VWC2L: variants seen among roughly 807,000 people sequenced by gnomAD.
VWC2L encodes the protein von Willebrand factor C domain-containing protein 2-like.
VWC2L carries 10 observed loss-of-function variants against 21.6 expected under a neutral mutation model. That is an observed-to-expected ratio of 0.46 (90% CI 0.29 to 0.78). The LOEUF (loss-of-function observed/expected upper bound fraction) is 0.78, where lower values mean the gene tolerates loss of function less well. Ranked by LOEUF, VWC2L falls within the 30% of genes least tolerant of loss-of-function variation. VWC2L has a pLI of 0.10. For missense variants in VWC2L, 209 were observed against 277.1 expected (o/e 0.75, Z 1.74); for synonymous variants, 96 against 94.3 (o/e 1.02, Z -0.10).
chr2:214,521,901 T>C (rs1689246668), intron 3 of VWC2L, among the ~76,000 whole-genome samples: 1 of 152,236 alleles, frequency 6.6e-6, no homozygotes, highest in South Asian at 2.1e-4. Context: ...CTTTTGTCCT[T>C]CCTGCATTAA....
At chr2:214,538,368 C>T (rs1227775022) in intron 3 of VWC2L, among the ~76,000 whole-genome samples, 2 of 151,992 alleles carry the variant, frequency 1.3e-5, no homozygotes, top group Non-Finnish European at 2.9e-5. Flanking sequence ...GGATGCTTGG[C>T]CTATGTTATG....
chr2:214,438,541 C>T (rs1041972444), intron 3 of VWC2L, among the ~76,000 whole-genome samples: 1 of 152,006 alleles, frequency 6.6e-6, no homozygotes, highest in African/African-American at 2.4e-5. Flanking sequence ...TAGACACATC[C>T]AGCATATTCA....
At chr2:214,563,623 A>G (rs910148027) in intron 3 of VWC2L, among the ~76,000 whole-genome samples, 3 of 150,424 alleles carry the variant, frequency 2.0e-5, no homozygotes, top group Non-Finnish European at 4.4e-5. Context: ...TGAGTTCTCT[A>G]ATCTGTTCCA....
intron 3 of VWC2L, among the ~76,000 whole-genome samples, chr2:214,464,868 C>T (rs1310544864): frequency 6.6e-6 from 1 of 152,126 alleles, no homozygotes. Context: ...GTCCTTTCCA[C>T]TTTTCCCTCT....
intron 3 of VWC2L, among the ~76,000 whole-genome samples, chr2:214,504,867 G>A (rs1228470132): frequency 6.6e-6 from 1 of 152,214 alleles, no homozygotes; most frequent in African/African-American, 2.4e-5. Context: ...GTTCCAGGAT[G>A]AAAGAGGATA....
At chr2:214,446,376 A>T (rs897612797) in intron 3 of VWC2L, among the ~76,000 whole-genome samples, 12 of 152,208 alleles carry the variant, frequency 7.9e-5, no homozygotes, top group Non-Finnish European at 1.8e-4. Flanking sequence ...ACAAACAATA[A>T]TTTCCTATTT....
chr2:214,523,144 C>G (rs1689270960), intron 3 of VWC2L, among the ~76,000 whole-genome samples: 1 of 152,178 alleles, frequency 6.6e-6, no homozygotes. Context: ...GTCCTAATCC[C>G]CTAGCCCCAT....
chr2:214,431,207 G>A (rs571409615), intron 2 of VWC2L, among the ~76,000 whole-genome samples: 1 of 152,230 alleles, frequency 6.6e-6, no homozygotes, highest in South Asian at 2.1e-4. Flanking sequence ...TTCCTGACAG[G>A]CATCAGCAAC....
intron 3 of VWC2L, among the ~76,000 whole-genome samples, chr2:214,534,956 G>A (rs1689502773): frequency 1.3e-5 from 2 of 152,092 alleles, no homozygotes; most frequent in South Asian, 4.1e-4. Context: ...TAGGAAAGAG[G>A]TTAAGTCTCT....
chr2:214,569,153 T>C (rs1690111652), intron 3 of VWC2L, among the ~76,000 whole-genome samples: 2 of 152,214 alleles, frequency 1.3e-5, no homozygotes, highest in Admixed American at 6.5e-5. Flanking sequence ...GTGTTTTCAT[T>C]ACCATCACAC....
chr2:214,473,387 G>C (rs1288176723), intron 3 of VWC2L, among the ~76,000 whole-genome samples: 2 of 152,114 alleles, frequency 1.3e-5, no homozygotes, highest in Admixed American at 6.6e-5. Flanking sequence ...GCCTAAATAG[G>C]TGTTTCTTAT....
chr2:214,575,917 A>C lies in VWC2L; in HGVS notation c.*97A>C. The C allele has an allele frequency of 7.1e-7, 1 of 1,402,692 alleles. No homozygotes were observed. The highest frequency in any genetic ancestry group is 2.4e-5 in the East Asian group (1 of 42,268). 86.9% of individuals were successfully genotyped at this position (1,402,692 alleles called of 1,614,324 possible). A position where few individuals can be genotyped will look rare whatever the true frequency, so the allele number is the denominator to read the frequency against. ...AAAACAAAACAAACAAACTCCTGCC[A>C]GCTACAACAGGGTCACCAGCAAAAC... On this transcript the variant is annotated 3_prime_UTR_variant, in exon 4 of 4. Transcript: ENST00000312504.
intron 3 of VWC2L, among the ~76,000 whole-genome samples, chr2:214,504,507 C>T (rs563838708): frequency 5.9e-5 from 9 of 152,266 alleles, no homozygotes; most frequent in South Asian, 4.1e-4. Flanking sequence ...CAGCTTCCAG[C>T]GAAGCTGGTT....
intron 3 of VWC2L, among the ~76,000 whole-genome samples, chr2:214,557,155 G>A (rs1298157647): frequency 6.6e-6 from 1 of 152,096 alleles, no homozygotes; most frequent in Admixed American, 6.6e-5. Context: ...ACATACCCGA[G>A]ACTGGGTAAT....
intron 3 of VWC2L, among the ~76,000 whole-genome samples, chr2:214,463,128 G>T (rs10190309): frequency 0.13 from 19,007 of 152,032 alleles, 1,493 homozygotes; most frequent in East Asian, 0.26. Context: ...TGTCAATTAA[G>T]TCAAGATGAT....
intron 3 of VWC2L, among the ~76,000 whole-genome samples, chr2:214,529,966 T>G (rs1284995086): frequency 6.6e-6 from 1 of 152,204 alleles, no homozygotes; most frequent in Non-Finnish European, 1.5e-5. Context: ...CACTAGCATC[T>G]TAAGTTTAAA....
intron 2 of VWC2L, among the ~76,000 whole-genome samples, chr2:214,415,980 T>G (rs1036600465): frequency 6.6e-6 from 1 of 152,118 alleles, no homozygotes; most frequent in Non-Finnish European, 1.5e-5. Context: ...ATATTGTATA[T>G]ATTTTGACAT....
chr2:214,452,233 G>T (rs1210695741), intron 3 of VWC2L, among the ~76,000 whole-genome samples: 1 of 152,114 alleles, frequency 6.6e-6, no homozygotes, highest in Middle Eastern at 3.2e-3. Flanking sequence ...ACAGCTCACT[G>T]CAGCCTCAAC....
intron 3 of VWC2L, among the ~76,000 whole-genome samples, chr2:214,483,328 G>C (rs1235752977): frequency 1.3e-5 from 2 of 151,748 alleles, no homozygotes; most frequent in Non-Finnish European, 2.9e-5. Flanking sequence ...ACAATAATCT[G>C]AGTTAATGGC....
Sources: gnomAD v4.1 joint callset for allele counts (sites outside exome capture counted in the v4.1 genomes callset) on GRCh38, gnomAD v4.1.1 for gene constraint, MANE v1.5 for transcripts, NCBI Gene and HGNC (gene_info 2026-07-23, HGNC 2026-07-21) for gene names.